SLC10A7: variants seen among roughly 807,000 people sequenced by gnomAD.
SLC10A7 encodes the protein sodium/bile acid cotransporter 7.
A neutral mutation model predicts 43.2 loss-of-function variants in SLC10A7; 29 were observed. The observed-to-expected ratio is 0.67, with a 90% confidence interval of 0.50 to 0.92. SLC10A7 has a LOEUF of 0.92. Among genes scored for constraint, SLC10A7 ranks in the 40% least tolerant of loss-of-function variants. SLC10A7 has a pLI of 0.00. For synonymous variants in SLC10A7, 152 were observed against 144.8 expected (o/e 1.05, Z -0.35); for missense variants, 295 against 403.2 (o/e 0.73, Z 2.30).
At chr4:146,293,176 T>A (rs140061443) in intron 8 of SLC10A7, among the ~76,000 whole-genome samples, 196 bp from the exon 9 acceptor site, 1 of 152,322 alleles carries the variant, frequency 6.6e-6, no homozygotes, top group Non-Finnish European at 1.5e-5. Flanking sequence ...ATTGATGATA[T>A]CCCCAGAAAC....
intron 3 of SLC10A7, among the ~76,000 whole-genome samples, chr4:146,506,757 T>TTTTTTG (rs892815703): frequency 2.8e-4 from 42 of 152,174 alleles, no homozygotes; most frequent in Non-Finnish European, 5.4e-4. Flanking sequence ...TGTTTGGTTT[T>TTTTTTG]TTTTTGTTTT....
intron 6 of SLC10A7, among the ~76,000 whole-genome samples, chr4:146,310,776 A>G (rs1170204537): frequency 6.6e-6 from 1 of 152,120 alleles, no homozygotes; most frequent in Non-Finnish European, 1.5e-5. Context: ...AGGTCACCAT[A>G]GCTAGAAATT....
intron 5 of SLC10A7, among the ~76,000 whole-genome samples, chr4:146,333,215 G>T (rs1232816463): frequency 6.6e-6 from 1 of 151,868 alleles, no homozygotes; most frequent in Non-Finnish European, 1.5e-5. Context: ...AAAATTAAGG[G>T]TCTTCTACAC....
At chr4:146,471,061 C>T (rs557913454) in intron 4 of SLC10A7, among the ~76,000 whole-genome samples, 95 of 152,198 alleles carry the variant, frequency 6.2e-4, no homozygotes, top group African/African-American at 2.2e-3. Context: ...AACCAAAATG[C>T]TTAGGACCAG....
At chr4:146,403,782 T>G (rs1046390815) in intron 5 of SLC10A7, among the ~76,000 whole-genome samples, 3 of 152,094 alleles carry the variant, frequency 2.0e-5, no homozygotes, top group African/African-American at 7.2e-5. Context: ...ATTATAGCTA[T>G]TAAGGGGGAA....
At chr4:146,356,040 A>T (rs1287491761) in intron 5 of SLC10A7, among the ~76,000 whole-genome samples, 1 of 20,228 alleles carries the variant, frequency 4.9e-5, no homozygotes, top group East Asian at 2.1e-3. Flanking sequence ...AAAGTATAAT[A>T]AAAAAAAAAA....
chr4:146,388,109 T>A (rs188395466), intron 5 of SLC10A7, among the ~76,000 whole-genome samples: 1 of 152,296 alleles, frequency 6.6e-6, no homozygotes, highest in Non-Finnish European at 1.5e-5. Flanking sequence ...AGAGCCTGAT[T>A]AGCCAAAGCA....
At chr4:146,287,490 A>C (rs979269733) in intron 9 of SLC10A7, among the ~76,000 whole-genome samples, 1 of 152,208 alleles carries the variant, frequency 6.6e-6, no homozygotes, top group African/African-American at 2.4e-5. Flanking sequence ...ACGGGCAAGC[A>C]GAGGCAAGTT....
At chr4:146,377,567 C>T (rs901002960) in intron 5 of SLC10A7, among the ~76,000 whole-genome samples, 1 of 152,166 alleles carries the variant, frequency 6.6e-6, no homozygotes. Flanking sequence ...GAAATTCTCC[C>T]ATCTCATTAT....
At chr4:146,319,893 A>C (rs1220599469) in intron 6 of SLC10A7, among the ~76,000 whole-genome samples, 1 of 152,090 alleles carries the variant, frequency 6.6e-6, no homozygotes, top group Non-Finnish European at 1.5e-5. Flanking sequence ...AACTCAAAAA[A>C]CTTCCTTTAG....
At chr4:146,491,784 T>TGGC (rs1735468619) in intron 4 of SLC10A7, among the ~76,000 whole-genome samples, 1 of 151,848 alleles carries the variant, frequency 6.6e-6, no homozygotes, top group Non-Finnish European at 1.5e-5. Context: ...AAGGCCAGTA[T>TGGC]CTTGGCACTA....
At chr4:146,449,062 G>A (rs1301636635) in intron 4 of SLC10A7, among the ~76,000 whole-genome samples, 1 of 152,208 alleles carries the variant, frequency 6.6e-6, no homozygotes, top group Non-Finnish European at 1.5e-5. Context: ...TAGCATCTCT[G>A]TTCCATGCTG....
rs1342643694 is a variant in SLC10A7 at position 146,305,937 on chromosome 4, T to C, written c.544A>G (p.Ile182Val). 17 of 1,608,846 alleles carry C rather than the reference T, an allele frequency of 1.1e-5. No homozygotes were observed. The East Asian group carries it at 3.8e-4, about 36-fold the overall frequency. The change falls in exon 7 of 12, where the codon ATC (isoleucine) becomes GTC (valine). Residue 182 changes from isoleucine (I) to valine (V), a missense_variant. Ile to Val is a conservative substitution (Grantham distance 29, BLOSUM62 3). This residue lies in a region of SLC10A7 where 242 missense variants were observed against 362.5 expected (regional missense o/e 0.67). Coordinates refer to ENST00000335472, the MANE Select transcript of SLC10A7 (RefSeq NM_001029998.6). ...ATTGGAGGCCTTACCTGTCCAATGA[T>C]GAGAGGAACCACAACAGTCATAAAA... The part of the protein sequence containing the change: ...QLFMTVVVPL[I>V]IGQIVRRYIK...
chr4:146,420,278 A>C (rs1314395768), intron 5 of SLC10A7, among the ~76,000 whole-genome samples: 1 of 152,168 alleles, frequency 6.6e-6, no homozygotes, highest in Non-Finnish European at 1.5e-5. Flanking sequence ...TCTCACCTAC[A>C]TTTCCGGTTT....
chr4:146,332,158 A>T (rs1350038824), intron 5 of SLC10A7, among the ~76,000 whole-genome samples: 1 of 152,166 alleles, frequency 6.6e-6, no homozygotes, highest in Non-Finnish European at 1.5e-5. Context: ...TAAGGATCTT[A>T]ACATGCCCAA....
intron 5 of SLC10A7, among the ~76,000 whole-genome samples, chr4:146,418,662 G>A (rs964877686): frequency 6.6e-6 from 1 of 152,016 alleles, no homozygotes; most frequent in Non-Finnish European, 1.5e-5. Flanking sequence ...CTTACCACTC[G>A]ATACAACACT....
intron 5 of SLC10A7, among the ~76,000 whole-genome samples, chr4:146,360,139 C>T (rs769024656): frequency 2.3e-4 from 35 of 152,172 alleles, no homozygotes; most frequent in Non-Finnish European, 4.6e-4. Context: ...CAAAGACTCT[C>T]TATCTCTTAA....
At chr4:146,503,769 C>T in intron 4 of SLC10A7, 80 bp downstream of exon 4, 1 of 1,355,164 alleles carries the variant, frequency 7.4e-7, no homozygotes, top group East Asian at 2.3e-5. Flanking sequence ...ATCAACCCTT[C>T]ATGTCCAAAA....
chr4:146,509,147 A>T (rs1263885304), intron 3 of SLC10A7, among the ~76,000 whole-genome samples: 1 of 152,178 alleles, frequency 6.6e-6, no homozygotes, highest in African/African-American at 2.4e-5. Flanking sequence ...TACATCATTT[A>T]TCTCTATCTT....
Sources: gnomAD v4.1 joint callset for allele counts (sites outside exome capture counted in the v4.1 genomes callset) on GRCh38, gnomAD v4.1.1 for gene constraint, gnomAD v4.1.1 regional missense constraint, MANE v1.5 for transcripts, NCBI Gene and HGNC (gene_info 2026-07-23, HGNC 2026-07-21) for gene names.